Variants in FBXL17 observed in about 807,000 individuals in gnomAD.
FBXL17 encodes F-box and leucine rich repeat protein 17.
Under a neutral mutation model 66.2 loss-of-function variants are expected in FBXL17, and 22 were observed. The ratio of observed to expected loss-of-function variants is 0.33; its 90% CI spans 0.24 to 0.47. The LOEUF (loss-of-function observed/expected upper bound fraction) is 0.47, where lower values mean the gene tolerates loss of function less well. FBXL17 is among the 20% of genes least tolerant of loss of function. The probability of loss-of-function intolerance (pLI) is 1.00; values close to 1 mark genes in which losing one functional copy is unlikely to be tolerated. For synonymous variants in FBXL17, 474 were observed against 400.5 expected, an observed-to-expected ratio of 1.18 and a Z score of -2.19; for missense variants, 878 against 948.2, an observed-to-expected ratio of 0.93 and a Z score of 0.97.
At chr5:108,176,211 A>G (rs1752789980) in intron 6 of FBXL17, among the ~76,000 whole-genome samples, 1 of 152,182 alleles carries the variant, frequency 6.6e-6, no homozygotes, top group South Asian at 2.1e-4. Context: ...CATATTCATC[A>G]TCATATAAAA....
At chr5:108,042,613 G>A (rs767999505) in intron 6 of FBXL17, among the ~76,000 whole-genome samples, 45 of 152,134 alleles carry the variant, frequency 3.0e-4, no homozygotes, top group Non-Finnish European at 1.0e-4. Context: ...TTTTTATTCA[G>A]TAGTATTCCA....
At chr5:107,942,485 C>T (rs1751140224) in intron 7 of FBXL17, among the ~76,000 whole-genome samples, 1 of 152,202 alleles carries the variant, frequency 6.6e-6, no homozygotes, top group Admixed American at 6.5e-5. Flanking sequence ...TCCTCACTAT[C>T]TAATCACAAA....
chr5:107,909,481 C>A (rs964742264), intron 7 of FBXL17, among the ~76,000 whole-genome samples: 3 of 152,140 alleles, frequency 2.0e-5, no homozygotes, highest in African/African-American at 7.2e-5. Flanking sequence ...TCTTTAAGAT[C>A]CTTGAACAAC....
At chr5:108,350,642 T>C (rs1747583289) in intron 3 of FBXL17, among the ~76,000 whole-genome samples, 1 of 152,136 alleles carries the variant, frequency 6.6e-6, no homozygotes, top group African/African-American at 2.4e-5. Context: ...GCATCAAACT[T>C]CTTAACAAAA....
chr5:108,175,738 T>A (rs908650273), intron 6 of FBXL17, among the ~76,000 whole-genome samples: 2 of 152,344 alleles, frequency 1.3e-5, no homozygotes. Context: ...CTGCCATTTT[T>A]AATTATTACC....
At chr5:108,316,633 G>A (rs1759376228) in intron 4 of FBXL17, among the ~76,000 whole-genome samples, 1 of 151,136 alleles carries the variant, frequency 6.6e-6, no homozygotes, top group East Asian at 1.9e-4. Context: ...TTTTAACGAT[G>A]TCTATTCATT....
intron 6 of FBXL17, among the ~76,000 whole-genome samples, chr5:108,154,545 G>A (rs4957743): frequency 0.18 from 25,518 of 140,380 alleles, 2,871 homozygotes; most frequent in East Asian, 0.29. Flanking sequence ...AGCCAAGATC[G>A]CGCCATTGCA....
chr5:107,900,529 C>T (rs34644295), intron 7 of FBXL17, among the ~76,000 whole-genome samples: 56,888 of 151,992 alleles, frequency 0.37, 12,213 homozygotes, highest in Admixed American at 0.52. Context: ...AAATCTTATG[C>T]TTTCAACAAC....
At chr5:108,059,142 G>T (rs1747826286) in intron 6 of FBXL17, among the ~76,000 whole-genome samples, 1 of 152,138 alleles carries the variant, frequency 6.6e-6, no homozygotes, top group Non-Finnish European at 1.5e-5. Context: ...AACTTCTGAT[G>T]TTTCAGACTT....
intron 7 of FBXL17, among the ~76,000 whole-genome samples, chr5:107,962,285 T>C (rs1406911351): frequency 6.6e-6 from 1 of 152,100 alleles, no homozygotes; most frequent in Non-Finnish European, 1.5e-5. Flanking sequence ...AAATGATAGT[T>C]ATAATTTGTA....
intron 7 of FBXL17, among the ~76,000 whole-genome samples, chr5:107,941,117 GA>G (rs11304102): frequency 0.88 from 130,686 of 149,252 alleles, 57,460 homozygotes; most frequent in African/African-American, 0.92. Context: ...TAAATCAAGT[GA>G]AAAAAAAAAA....
intron 5 of FBXL17, among the ~76,000 whole-genome samples, chr5:108,204,701 C>T (rs1356278354): frequency 7.9e-5 from 12 of 152,104 alleles, no homozygotes; most frequent in South Asian, 2.1e-4. Context: ...TACATATTAT[C>T]CTAAGCATTT....
chr5:108,032,381 G>A (rs1003973410), intron 6 of FBXL17, among the ~76,000 whole-genome samples: 1 of 152,132 alleles, frequency 6.6e-6, no homozygotes, highest in East Asian at 1.9e-4. Flanking sequence ...TAGGCCGAAC[G>A]GTGACCCCCA....
At chr5:107,957,183 T>C (rs771759391) in intron 7 of FBXL17, among the ~76,000 whole-genome samples, 31 of 152,130 alleles carry the variant, frequency 2.0e-4, no homozygotes, top group Non-Finnish European at 3.8e-4. Context: ...CAGAAGTATA[T>C]AGCTGACAGG....
intron 4 of FBXL17, among the ~76,000 whole-genome samples, chr5:108,323,475 C>T (rs563033869): frequency 1.9e-4 from 29 of 151,906 alleles, no homozygotes; most frequent in African/African-American, 7.0e-4. Context: ...AAAGAAATCC[C>T]GTTTTAATGA....
intron 4 of FBXL17, among the ~76,000 whole-genome samples, chr5:108,332,081 T>C (rs1760149793): frequency 6.6e-6 from 1 of 152,058 alleles, no homozygotes; most frequent in South Asian, 2.1e-4. Flanking sequence ...TATATACAAA[T>C]GTAACAAAAT....
At chr5:107,881,248 T>G (rs1748781662) in intron 7 of FBXL17, 69 bp from the exon 8 acceptor site, 2 of 844,348 alleles carry the variant, frequency 2.4e-6, no homozygotes, top group East Asian at 2.6e-5. Flanking sequence ...ATTATGACTA[T>G]TCATCTCATT....
chr5:107,881,229 C>A, intron 7 of FBXL17, 50 bp from the exon 8 acceptor site: 1 of 1,136,646 alleles, frequency 8.8e-7, no homozygotes, highest in East Asian at 2.4e-5. Context: ...TGTAAGGGAG[C>A]TCTATCTTAT....
At chr5:108,225,784 T>C (rs572586668) in intron 4 of FBXL17, among the ~76,000 whole-genome samples, 1 of 152,322 alleles carries the variant, frequency 6.6e-6, no homozygotes, top group African/African-American at 2.4e-5. Flanking sequence ...ATCAAGGTTT[T>C]GTCCCTCTCA....
Sources: gnomAD v4.1 joint callset for allele counts (sites outside exome capture counted in the v4.1 genomes callset) on GRCh38, gnomAD v4.1.1 for gene constraint, MANE v1.5 for transcripts, NCBI Gene and HGNC (gene_info 2026-07-23, HGNC 2026-07-21) for gene names.